The following SKI variants were observed in gnomAD, a reference collection of about 807,000 sequenced individuals.
The protein encoded by SKI is SKI proto-oncogene, also known as ski oncogene.
In SKI, 23 loss-of-function variants were observed where a neutral mutation model predicts 59.3. The observed-to-expected ratio is 0.39, with a 90% CI of 0.28 to 0.55. The LOEUF (loss-of-function observed/expected upper bound fraction) is 0.55, where lower values mean the gene tolerates loss of function less well. SKI is among the 20% of genes least tolerant of loss of function. The pLI, the probability that SKI is intolerant of heterozygous loss-of-function variation, is 0.67. For synonymous variants in SKI, 673 were observed against 488.6 expected, an observed-to-expected ratio of 1.38 and a Z score of -4.98; for missense variants, 1,017 against 1,038.9, an observed-to-expected ratio of 0.98 and a Z score of 0.29.
chr1:2,228,735 A>C lies in SKI; in HGVS notation c.-32A>C. 3 of 1,054,956 alleles carry C rather than the reference A, an allele frequency of 2.8e-6. No individual in the cohort carries two copies. Among genetic ancestry groups the C allele is most frequent in the South Asian group, 3.9e-5 (1 of 25,898 alleles). 65.3% of individuals were successfully genotyped at this position (1,054,956 alleles called of 1,614,324 possible). On this transcript the variant is annotated 5_prime_UTR_variant, in exon 1 of 7. Transcript: ENST00000378536. ...GGCCGGGGGGGCCCGGGCGCGCGGGAGCGGGAGCGGCCGGGGGAGCCGGAG... is the reference window on the plus strand; with the variant it reads ...GGCCGGGGGGGCCCGGGCGCGCGGGCGCGGGAGCGGCCGGGGGAGCCGGAG...
intron 1 of SKI, among the ~76,000 whole-genome samples, chr1:2,249,538 C>A (rs1189215853): frequency 1.3e-5 from 2 of 152,236 alleles, no homozygotes; most frequent in Non-Finnish European, 2.9e-5. Context: ...TGAAACCGAC[C>A]CCAGGTGATT....
chr1:2,309,947 T>TC lies in SKI; in HGVS notation c.*3183dup, dbSNP rs1640709176. ...AGGAGTCACAAATGACTTTTTTTTT[T>TC]CAATTAAGGAAAAAGCTCCATCTCT... On this transcript the variant is annotated 3_prime_UTR_variant, in exon 7 of 7. Coordinates refer to ENST00000378536, the MANE Select transcript of SKI (RefSeq NM_003036.4). The TC allele has an allele frequency of 7.4e-6, 1 of 135,330 alleles. No homozygotes were observed. The highest frequency in any genetic ancestry group is 1.6e-5 in the Non-Finnish European group (1 of 63,318). The allele number at this position is 135,330 out of a possible 1,614,324, so 8.4% of individuals were successfully genotyped here. A position where few individuals can be genotyped will look rare whatever the true frequency, so the allele number is the denominator to read the frequency against.
chr1:2,285,105 T>C (rs1177913065), intron 1 of SKI, among the ~76,000 whole-genome samples: 3 of 152,118 alleles, frequency 2.0e-5, no homozygotes, highest in Admixed American at 2.0e-4. Flanking sequence ...ATAGGTGTCA[T>C]GCGGCAGTTG....
At chr1:2,292,787 G>T (rs1215070117) in intron 1 of SKI, among the ~76,000 whole-genome samples, 1 of 152,246 alleles carries the variant, frequency 6.6e-6, no homozygotes, top group Non-Finnish European at 1.5e-5. Context: ...AGGAGGTGGG[G>T]GTGGTCTTCT....
At chr1:2,258,677 C>T (rs946818285) in intron 1 of SKI, among the ~76,000 whole-genome samples, 1 of 151,930 alleles carries the variant, frequency 6.6e-6, no homozygotes, top group African/African-American at 2.4e-5. Context: ...GCCTCAGCCT[C>T]CTGAGTAGCT....
chr1:2,243,677 C>T lies in SKI; in HGVS notation c.969+13942C>T, dbSNP rs1245166051. 2.0e-5 allele frequency among the ~76,000 whole-genome samples: 3 copies of T among 152,178 alleles called. No homozygotes were observed. The East Asian group carries it at 5.8e-4, about 29-fold the overall frequency. ...AAAGCGTCCCAACACTCCCTGTCAT[C>T]GGTCTTGTTGGCTGTAAACGAGTTC... On this transcript the variant is annotated intron_variant, in intron 1 of 6. Transcript: ENST00000378536.
Position 2,310,001 on chromosome 1 carries a change from CTGCCCG to C in SKI, c.*3242_*3247del, listed in dbSNP as rs1367565674. ...TTTAACATCACCCAGACCCCCGCCC[CTGCCCG>C]TGCCCCACGCTGCTGCTAACGACAG... is the stretch of plus-strand genomic sequence containing the variant. On this transcript the variant is annotated 3_prime_UTR_variant, in exon 7 of 7. Coordinates refer to ENST00000378536, the MANE Select transcript of SKI (RefSeq NM_003036.4). The C allele has an allele frequency of 6.7e-6, 1 of 149,694 alleles. No homozygotes were observed. Among genetic ancestry groups the C allele is most frequent in the South Asian group, 2.2e-4 (1 of 4,606 alleles). 9.3% of individuals were successfully genotyped at this position (149,694 alleles called of 1,614,324 possible).
At chr1:2,257,494 C>T (rs1175612576) in intron 1 of SKI, among the ~76,000 whole-genome samples, 4 of 152,258 alleles carry the variant, frequency 2.6e-5, no homozygotes, top group African/African-American at 9.6e-5. Flanking sequence ...TCTGCAGCTG[C>T]TTGGCCCCCA....
At chr1:2,275,756 C>T (rs1309399413) in intron 1 of SKI, among the ~76,000 whole-genome samples, 1 of 152,206 alleles carries the variant, frequency 6.6e-6, no homozygotes, top group Non-Finnish European at 1.5e-5. Flanking sequence ...TTGTGATCCA[C>T]CCACCTCGGC....
At chr1:2,294,018 G>C (rs945661271) in intron 1 of SKI, among the ~76,000 whole-genome samples, 3 of 152,218 alleles carry the variant, frequency 2.0e-5, no homozygotes, top group Non-Finnish European at 4.4e-5. Flanking sequence ...CATGTTTTCT[G>C]AGGTGCACAG....
chr1:2,251,580 G>A (rs948336682), intron 1 of SKI, among the ~76,000 whole-genome samples: 5 of 152,096 alleles, frequency 3.3e-5, no homozygotes, highest in African/African-American at 7.2e-5. Context: ...AGCTGCAGCC[G>A]CCCTCCTTTC....
rs144640111 is a variant in SKI at position 2,304,115 on chromosome 1, C to T, written c.1474+13C>T. On this transcript the variant is annotated intron_variant, in intron 4 of 6. Coordinates refer to ENST00000378536, the MANE Select transcript of SKI (RefSeq NM_003036.4). ...AGCAGGGAGGAATGTACGTGTGAGT[C>T]GCTTTCTGTGCCTCCTCCCTGTGGG... 33 of 1,611,750 alleles carry T rather than the reference C, an allele frequency of 2.0e-5. No homozygotes were observed. The highest frequency in any genetic ancestry group is 3.3e-5 in the South Asian group (3 of 90,876).
intron 1 of SKI, among the ~76,000 whole-genome samples, chr1:2,246,076 G>A (rs1041462054): frequency 6.6e-6 from 1 of 152,188 alleles, no homozygotes; most frequent in Non-Finnish European, 1.5e-5. Flanking sequence ...GATTACAGGC[G>A]TGAGCCACCG....
At chr1:2,278,831 C>T (rs143292047) in intron 1 of SKI, among the ~76,000 whole-genome samples, 1 of 152,184 alleles carries the variant, frequency 6.6e-6, no homozygotes, top group African/African-American at 2.4e-5. Context: ...GCACACAGGC[C>T]GTGAGCACTG....
intron 1 of SKI, among the ~76,000 whole-genome samples, chr1:2,253,272 G>A (rs1010429683): frequency 2.0e-5 from 3 of 152,082 alleles, no homozygotes; most frequent in Non-Finnish European, 4.4e-5. Flanking sequence ...CCGGTATCAC[G>A]GGCTCCAGAG....
chr1:2,266,466 C>T (rs930100178), intron 1 of SKI, among the ~76,000 whole-genome samples: 7 of 152,172 alleles, frequency 4.6e-5, no homozygotes, highest in African/African-American at 1.4e-4. Context: ...CTGGGTCCTG[C>T]TTCCTGTACC....
In SKI at chr1:2,228,771, A is replaced by AGGC. The variant is rs1638560188; in HGVS notation, c.12_14dup (p.Ala5dup). 7.9e-7 allele frequency: 1 copy of AGGC among 1,267,800 alleles called. No individual in the cohort carries two copies. The highest frequency in any genetic ancestry group is 1.0e-6 in the Non-Finnish European group (1 of 992,276). 78.5% of individuals were successfully genotyped at this position (1,267,800 alleles called of 1,614,324 possible). A position where few individuals can be genotyped will look rare whatever the true frequency, so the allele number is the denominator to read the frequency against. ...CCGGGGGAGCCGGAGCGCACCATGG[A>AGGC]GGCGGCGGCAGGCGGCCGCGGCTGT... is the stretch of plus-strand genomic sequence containing the variant. On this transcript the variant is annotated inframe_insertion, in exon 1 of 7. Transcript: ENST00000378536.
Position 2,234,942 on chromosome 1 carries a change from A to G in SKI, c.969+5207A>G, listed in dbSNP as rs1458443942. Among the ~76,000 whole-genome samples, 3 of 151,956 alleles carry G rather than the reference A, an allele frequency of 2.0e-5. No individual in the cohort carries two copies. In the East Asian group the frequency reaches 5.8e-4, roughly 29 times the overall value. Reference sequence around the variant, plus strand: ...ATGGAGGGGGGGCTGCCTGGGGACCAGCTCTTTACACCTGGCCTCCAGAGC... The same window carrying G: ...ATGGAGGGGGGGCTGCCTGGGGACCGGCTCTTTACACCTGGCCTCCAGAGC... On this transcript the variant is annotated intron_variant, in intron 1 of 6. Coordinates refer to ENST00000378536, the MANE Select transcript of SKI (RefSeq NM_003036.4).
Position 2,303,129 on chromosome 1 carries a change from T to TGGGGTG in SKI, c.1095+28_1095+33dup, listed in dbSNP as rs755054907. The TGGGGTG allele has an allele frequency of 1.1e-5, 17 of 1,612,586 alleles. No homozygotes were observed. Among genetic ancestry groups the TGGGGTG allele is most frequent in the Admixed American group, 1.7e-5 (1 of 60,010 alleles). On this transcript the variant is annotated intron_variant, in intron 2 of 6. Transcript: ENST00000378536. This position sits in a 1 kb window ranked among gnomAD's most constrained non-coding sequence, Gnocchi z 5.6. Reference sequence around the variant, plus strand: ...GTGCTGTGGGGCCTGTCGGGGTCCTTGGGGTGGTGGGTACTGGGCCCTTCT... The same window carrying TGGGGTG: ...GTGCTGTGGGGCCTGTCGGGGTCCTTGGGGTGGGGGTGGTGGGTACTGGGCCCTTCT...
Sources: allele counts gnomAD v4.1 joint callset (sites outside exome capture counted in the v4.1 genomes callset), GRCh38; gene constraint gnomAD v4.1.1; non-coding constraint Gnocchi (gnomAD v3.1); transcripts MANE v1.5; gene names NCBI Gene and HGNC (gene_info 2026-07-23, HGNC 2026-07-21).